EPHA6: variants seen among roughly 807,000 people sequenced by gnomAD.
EPHA6 encodes the protein ephrin type-A receptor 6.
Under a neutral mutation model 112.0 loss-of-function variants are expected in EPHA6, and 50 were observed. The observed-to-expected ratio is 0.45, with a 90% CI of 0.36 to 0.56. EPHA6 has a LOEUF of 0.56. Ranked by LOEUF, EPHA6 falls within the 20% of genes least tolerant of loss-of-function variation. The pLI is 0.00. For synonymous variants in EPHA6, 529 were observed against 490.7 expected (o/e 1.08, Z -1.03); for missense variants, 1,280 against 1,417.4 (o/e 0.90, Z 1.56).
At chr3:97,213,031 C>G (rs1489594547) in intron 3 of EPHA6, among the ~76,000 whole-genome samples, 3 of 152,132 alleles carry the variant, frequency 2.0e-5, no homozygotes, top group Non-Finnish European at 4.4e-5. Flanking sequence ...TGGCCTAGTT[C>G]TTAAGTCTTT....
At chr3:97,069,487 G>A (rs544561464) in intron 3 of EPHA6, among the ~76,000 whole-genome samples, 4 of 152,178 alleles carry the variant, frequency 2.6e-5, no homozygotes, top group Admixed American at 2.0e-4. Flanking sequence ...AAACCCTAAG[G>A]GTGTTGCATG....
chr3:97,651,094 A>G (rs188132778), intron 14 of EPHA6, among the ~76,000 whole-genome samples: 11 of 152,190 alleles, frequency 7.2e-5, no homozygotes, highest in Admixed American at 2.6e-4. Context: ...CACCTACAGT[A>G]ATATACTACT....
intron 6 of EPHA6, among the ~76,000 whole-genome samples, chr3:97,414,316 A>G (rs950444901): frequency 1.3e-5 from 2 of 151,880 alleles, no homozygotes; most frequent in African/African-American, 4.8e-5. Flanking sequence ...AATTCTCCCA[A>G]CTCTGATATT....
intron 11 of EPHA6, among the ~76,000 whole-genome samples, chr3:97,559,871 A>T (rs1053216933): frequency 2.0e-5 from 3 of 152,022 alleles, no homozygotes; most frequent in Admixed American, 6.6e-5. Flanking sequence ...TTTTGATTAA[A>T]AGGCCACAAA....
chr3:97,364,441 G>T (rs568827036), intron 5 of EPHA6, among the ~76,000 whole-genome samples: 2 of 151,282 alleles, frequency 1.3e-5, no homozygotes, highest in Non-Finnish European at 3.0e-5. Context: ...CAAATTTGAG[G>T]TATAGATAAA....
chr3:97,218,967 C>T (rs1441206556), intron 3 of EPHA6, among the ~76,000 whole-genome samples: 1 of 152,084 alleles, frequency 6.6e-6, no homozygotes. Context: ...CTCCAGGCCT[C>T]CTGTAAGTCT....
chr3:97,261,270 C>T (rs1015283063), intron 5 of EPHA6, among the ~76,000 whole-genome samples: 1 of 152,036 alleles, frequency 6.6e-6, no homozygotes, highest in Non-Finnish European at 1.5e-5. Flanking sequence ...TCTAAGAAAA[C>T]AAGGAAGTAA....
intron 3 of EPHA6, among the ~76,000 whole-genome samples, chr3:97,080,758 CTGTTCCTTT>C: frequency 6.6e-6 from 1 of 152,004 alleles, no homozygotes; most frequent in Non-Finnish European, 1.5e-5. Context: ...TTTGAATTTC[CTGTTCCTTT>C]AAAAATAAAG....
chr3:97,047,100 A>G (rs879285391), intron 3 of EPHA6, among the ~76,000 whole-genome samples: 8 of 152,100 alleles, frequency 5.3e-5, no homozygotes, highest in African/African-American at 1.4e-4. Flanking sequence ...TTGAATTTGT[A>G]TATGGTATAA....
chr3:97,352,240 G>C (rs1197680419), intron 5 of EPHA6, among the ~76,000 whole-genome samples: 1 of 152,072 alleles, frequency 6.6e-6, no homozygotes, highest in Non-Finnish European at 1.5e-5. Context: ...GGTGGAACAA[G>C]ATGGCCAAAT....
At chr3:96,963,233 TA>T (rs2042009538) in intron 2 of EPHA6, among the ~76,000 whole-genome samples, 1 of 149,284 alleles carries the variant, frequency 6.7e-6, no homozygotes, top group African/African-American at 2.5e-5. Flanking sequence ...CTTAAAAGGG[TA>T]AAAACTAGGC....
intron 3 of EPHA6, among the ~76,000 whole-genome samples, chr3:97,214,888 G>T (rs574211500): frequency 1.6e-4 from 24 of 152,220 alleles, no homozygotes; most frequent in Admixed American, 5.2e-4. Flanking sequence ...GCTTTTGCTA[G>T]TAACTTGACA....
intron 14 of EPHA6, among the ~76,000 whole-genome samples, chr3:97,711,799 A>G (rs1470136958): frequency 6.6e-6 from 1 of 152,212 alleles, no homozygotes; most frequent in Non-Finnish European, 1.5e-5. Flanking sequence ...TCTCACAACC[A>G]CACTAGAAAT....
chr3:97,161,692 C>G (rs760773529), intron 3 of EPHA6, among the ~76,000 whole-genome samples: 14 of 151,936 alleles, frequency 9.2e-5, no homozygotes, highest in Non-Finnish European at 1.6e-4. Flanking sequence ...TTGATATGCT[C>G]TAAACCACTG....
intron 2 of EPHA6, among the ~76,000 whole-genome samples, chr3:96,929,023 A>T (rs2107650371): frequency 6.6e-6 from 1 of 152,190 alleles, no homozygotes; most frequent in East Asian, 1.9e-4. Context: ...TGCATGTGAG[A>T]TGAGTCTCTT....
At position 97,252,322 on chromosome 3, in the gene EPHA6, G is replaced by A. The variant is rs138636717; in HGVS notation, c.1606+8035G>A. On this transcript the variant is annotated intron_variant, in intron 5 of 17. Coordinates refer to ENST00000389672, the MANE Select transcript of EPHA6 (RefSeq NM_001080448.3). ...AACCCACAATGGGAGACCACCAGTGGTCTTCAAATCTCCTCCCTGGTAGGT... is the reference window on the plus strand; with the variant it reads ...AACCCACAATGGGAGACCACCAGTGATCTTCAAATCTCCTCCCTGGTAGGT... Among the ~76,000 whole-genome samples, 495 of 152,232 alleles carry A rather than the reference G, an allele frequency of 3.3e-3. 4 individuals are homozygous for A. The highest frequency in any genetic ancestry group is 0.012 in the African/African-American group (480 of 41,532).
intron 12 of EPHA6, among the ~76,000 whole-genome samples, chr3:97,603,125 G>A (rs774259235): frequency 1.3e-5 from 2 of 151,930 alleles, no homozygotes; most frequent in Non-Finnish European, 2.9e-5. Context: ...TTTCAATATG[G>A]TTAGTATCTT....
At chr3:97,177,176 G>A (rs781209407) in intron 3 of EPHA6, among the ~76,000 whole-genome samples, 1 of 151,814 alleles carries the variant, frequency 6.6e-6, no homozygotes, top group Non-Finnish European at 1.5e-5. Context: ...TCATGTATTT[G>A]TGTAGTTTCC....
In EPHA6 at chr3:97,610,637, T is replaced by G. The variant is rs116757995; in HGVS notation, c.2513-156T>G. On this transcript the variant is annotated intron_variant, in intron 12 of 17. Transcript: ENST00000389672. ...CTATAAAGAAATATAGAGGTGCCTATGTATAATATGAATACGTTTATAGAA... is the reference window on the plus strand; with the variant it reads ...CTATAAAGAAATATAGAGGTGCCTAGGTATAATATGAATACGTTTATAGAA... Among the ~76,000 whole-genome samples, 1,351 of 151,706 alleles carry G rather than the reference T, an allele frequency of 8.9e-3. 23 individuals carry two copies. Among genetic ancestry groups the G allele is most frequent in the African/African-American group, 0.031 (1,291 of 41,388 alleles).
Sources: allele counts gnomAD v4.1 joint callset (sites outside exome capture counted in the v4.1 genomes callset), GRCh38; gene constraint gnomAD v4.1.1; transcripts MANE v1.5; gene names NCBI Gene and HGNC (gene_info 2026-07-23, HGNC 2026-07-21).